KAZN: variants seen among roughly 807,000 people sequenced by gnomAD.
KAZN encodes kazrin, periplakin interacting protein, also known as kazrin.
KAZN carries 40 observed loss-of-function variants against 87.4 expected under a neutral mutation model. That is an observed-to-expected ratio of 0.46 (90% CI 0.36 to 0.60). KAZN has a LOEUF of 0.60. Ranked by LOEUF, KAZN falls within the 20% of genes least tolerant of loss-of-function variation. The pLI is 0.00. For missense variants in KAZN, 898 were observed against 1,073.9 expected, an observed-to-expected ratio of 0.84 and a Z score of 2.29; for synonymous variants, 466 against 458.3, an observed-to-expected ratio of 1.02 and a Z score of -0.22.
chr1:14,753,212 T>C (rs567678235), intron 1 of KAZN, among the ~76,000 whole-genome samples: 1 of 152,296 alleles, frequency 6.6e-6, no homozygotes, highest in South Asian at 2.1e-4. Flanking sequence ...ATTTTTCAAA[T>C]TTATTATTAT....
chr1:14,550,113 G>A (rs771130094), intron 2 of KAZN, among the ~76,000 whole-genome samples: 3 of 152,232 alleles, frequency 2.0e-5, no homozygotes, highest in Non-Finnish European at 4.4e-5. Context: ...GCTAGAGGGA[G>A]CCACTCTCAT....
chr1:14,510,884 C>T (rs1165384600), intron 2 of KAZN, among the ~76,000 whole-genome samples: 6 of 152,108 alleles, frequency 3.9e-5, no homozygotes, highest in Non-Finnish European at 8.8e-5. Context: ...TCAAGGATGA[C>T]TCTGAACAAT....
intron 1 of KAZN, among the ~76,000 whole-genome samples, chr1:13,898,098 G>A (rs761515519): frequency 2.6e-5 from 4 of 152,204 alleles, no homozygotes; most frequent in South Asian, 2.1e-4. Flanking sequence ...TGCTGATATC[G>A]TAATATTCAG....
At chr1:13,934,479 GAACACGGGCAAAA>G (rs2100945792) in intron 1 of KAZN, among the ~76,000 whole-genome samples, 1 of 152,282 alleles carries the variant, frequency 6.6e-6, no homozygotes, top group East Asian at 1.9e-4. Context: ...CAGAACAAAT[GAACACGGGCAAAA>G]GACACGGCTA....
At chr1:14,812,243 T>C (rs1646434508) in intron 1 of KAZN, among the ~76,000 whole-genome samples, 1 of 152,188 alleles carries the variant, frequency 6.6e-6, no homozygotes, top group Non-Finnish European at 1.5e-5. Flanking sequence ...TGCCTCCAGG[T>C]GGACTCAGTC....
intron 2 of KAZN, among the ~76,000 whole-genome samples, chr1:14,570,011 G>A (rs2148543126): frequency 6.6e-6 from 1 of 152,272 alleles, no homozygotes; most frequent in African/African-American, 2.4e-5. Context: ...TCATTGGGAG[G>A]CCGCGGCAGG....
At chr1:14,156,287 C>T (rs1324253423) in intron 1 of KAZN, among the ~76,000 whole-genome samples, 1 of 152,138 alleles carries the variant, frequency 6.6e-6, no homozygotes, top group Non-Finnish European at 1.5e-5. Flanking sequence ...GATTCATGTG[C>T]TGAGGAAAAG....
At chr1:15,043,902 TAGGAG>T in intron 3 of KAZN, 82 bp from the exon 4 acceptor site, 1 of 1,341,452 alleles carries the variant, frequency 7.5e-7, no homozygotes, top group Admixed American at 2.6e-5. Flanking sequence ...TTTTTCCATC[TAGGAG>T]TTAGGCCCCC....
intron 1 of KAZN, among the ~76,000 whole-genome samples, chr1:14,821,525 A>AT (rs1646737415): frequency 6.6e-6 from 1 of 151,930 alleles, no homozygotes. Flanking sequence ...AAAAAAAAAA[A>AT]AAAGAGGTAA....
chr1:14,186,002 G>A (rs1413756370), intron 2 of KAZN, among the ~76,000 whole-genome samples: 1 of 152,152 alleles, frequency 6.6e-6, no homozygotes, highest in Non-Finnish European at 1.5e-5. Flanking sequence ...GTATTCTGAA[G>A]GAAAGTTGCA....
chr1:14,924,236 G>C, intron 1 of KAZN: 1 of 981,798 alleles, frequency 1.0e-6, no homozygotes, highest in Non-Finnish European at 1.2e-6. Flanking sequence ...GCGCGCCGCC[G>C]GCCGGGCGGG....
chr1:14,620,854 C>T (rs1678640858), intron 1 of KAZN, among the ~76,000 whole-genome samples: 1 of 152,170 alleles, frequency 6.6e-6, no homozygotes, highest in South Asian at 2.1e-4. Flanking sequence ...AGAGGTGACG[C>T]CTTGGAAATC....
intron 1 of KAZN, among the ~76,000 whole-genome samples, chr1:13,989,624 T>C (rs1639188270): frequency 6.6e-6 from 1 of 152,160 alleles, no homozygotes; most frequent in Admixed American, 6.5e-5. Flanking sequence ...CTCTATGTAG[T>C]ATTCTAGGTG....
At chr1:14,003,384 T>C (rs549195547) in intron 1 of KAZN, among the ~76,000 whole-genome samples, 17 of 145,904 alleles carry the variant, frequency 1.2e-4, no homozygotes, top group Admixed American at 3.4e-4. Context: ...TATGTGGAAA[T>C]GCAAGATGCT....
rs890721922 is a variant in KAZN, at chr1:15,116,031, T to A, written c.*1396T>A. Reference sequence around the variant, plus strand: ...GGGCTCAAGAAACATATAAATCCCATGAGCACAGCCTTGAAAACCAGTTTG... The same window carrying A: ...GGGCTCAAGAAACATATAAATCCCAAGAGCACAGCCTTGAAAACCAGTTTG... On this transcript the variant is annotated 3_prime_UTR_variant, in exon 15 of 15. Transcript: ENST00000376030. 5 of 152,196 alleles carry A rather than the reference T, an allele frequency of 3.3e-5. No individual in the cohort carries two copies. In the East Asian group the frequency reaches 5.8e-4, roughly 18 times the overall value. 9.4% of individuals were successfully genotyped at this position (152,196 alleles called of 1,614,324 possible).
intron 2 of KAZN, among the ~76,000 whole-genome samples, chr1:14,242,663 T>C (rs1401117056): frequency 6.6e-6 from 1 of 152,176 alleles, no homozygotes; most frequent in Non-Finnish European, 1.5e-5. Context: ...TATCAGCCCA[T>C]AGACTTGTGT....
intron 1 of KAZN, among the ~76,000 whole-genome samples, chr1:13,996,562 C>T (rs2101126737): frequency 6.6e-6 from 1 of 152,344 alleles, no homozygotes; most frequent in African/African-American, 2.4e-5. Context: ...TCTCCCACAG[C>T]CCAACACACC....
chr1:14,492,729 C>T (rs2148411785), intron 2 of KAZN, among the ~76,000 whole-genome samples: 1 of 15,332 alleles, frequency 6.5e-5, no homozygotes, highest in African/African-American at 2.4e-4. Flanking sequence ...CCACACACAC[C>T]ACATACAGCA....
At chr1:14,670,919 G>C (rs1557878206) in intron 1 of KAZN, among the ~76,000 whole-genome samples, 1 of 152,200 alleles carries the variant, frequency 6.6e-6, no homozygotes, top group Non-Finnish European at 1.5e-5. Context: ...AACATTTTTA[G>C]TAATCACGGC....
Sources: allele counts gnomAD v4.1 joint callset (sites outside exome capture counted in the v4.1 genomes callset), GRCh38; gene constraint gnomAD v4.1.1; transcripts MANE v1.5; gene names NCBI Gene and HGNC (gene_info 2026-07-23, HGNC 2026-07-21).